The following SLC8A2 variants were observed in gnomAD, a reference collection of about 807,000 sequenced individuals.
SLC8A2 encodes sodium/calcium exchanger 2.
A neutral mutation model predicts 70.2 loss-of-function variants in SLC8A2; 14 were observed. The ratio of observed to expected loss-of-function variants is 0.20; its 90% confidence interval spans 0.13 to 0.31. The LOEUF is 0.31. Among genes scored for constraint, SLC8A2 ranks in the 10% least tolerant of loss-of-function variants. The pLI is 1.00. For synonymous variants in SLC8A2, 575 were observed against 594.3 expected (o/e 0.97, Z 0.47); for missense variants, 779 against 1,320.1 (o/e 0.59, Z 6.35).
chr19:47,457,503 A>C lies in SLC8A2; in HGVS notation c.767T>G (p.Val256Gly), dbSNP rs762853467. 6.2e-7 allele frequency: 1 copy of C among 1,606,794 alleles called. No individual in the cohort carries two copies. Among genetic ancestry groups the C allele is most frequent in the Non-Finnish European group, 8.5e-7 (1 of 1,177,720 alleles). Residue 256 changes from valine (V) to glycine (G), a missense_variant, in exon 3 of 10, where the codon GTG (valine) becomes GGG (glycine). Val to Gly is a moderately radical substitution (Grantham distance 109). Transcript: ENST00000236877. ...ADKRLLFYKYVYKRYRTDPRS... is the reference protein window; with the variant it reads ...ADKRLLFYKYGYKRYRTDPRS... ...TGGGTCGGTGCGGTAGCGCTTGTAC[A>C]CGTACTTGTAGAAGAGCAGCCGCTT... is the stretch of plus-strand genomic sequence containing the variant.
At chr19:47,433,395 C>A (rs115193894) in intron 8 of SLC8A2, among the ~76,000 whole-genome samples, 283 of 152,036 alleles carry the variant, frequency 1.9e-3, no homozygotes, top group African/African-American at 6.5e-3. Flanking sequence ...ATATGGTATT[C>A]ACTTTCCCAG....
At chr19:47,452,786 A>G (rs1967260406) in intron 3 of SLC8A2, among the ~76,000 whole-genome samples, 1 of 152,154 alleles carries the variant, frequency 6.6e-6, no homozygotes, top group Admixed American at 6.6e-5. Flanking sequence ...TAATCCCGGC[A>G]CTTTGGGAGG....
chr19:47,447,678 C>T lies in SLC8A2; in HGVS notation c.1763+131G>A. ...TGCGGGCACGGCCACGCAGGCCCCT[C>T]CCCTCCCGAGGCCCAACCAAGACCC... is the stretch of plus-strand genomic sequence containing the variant. On this transcript the variant is annotated intron_variant, in intron 4 of 9. Coordinates refer to ENST00000236877, the MANE Select transcript of SLC8A2 (RefSeq NM_015063.3). The surrounding 1 kb of genome is among the most constrained non-coding windows in gnomAD (Gnocchi z 5.1). The T allele has an allele frequency of 1.0e-6, 1 of 976,788 alleles. No homozygotes were observed. The highest frequency in any genetic ancestry group is 1.4e-6 in the Non-Finnish European group (1 of 698,846). The allele number at this position is 976,788 out of a possible 1,614,324, so 60.5% of individuals were successfully genotyped here.
At chr19:47,462,660 T>A (rs1349672050) in intron 2 of SLC8A2, among the ~76,000 whole-genome samples, 1 of 149,822 alleles carries the variant, frequency 6.7e-6, no homozygotes, top group Non-Finnish European at 1.5e-5. Context: ...CAATCTCAGC[T>A]CACTGCAAAC....
In SLC8A2 at chr19:47,447,904, G is replaced by A; in HGVS notation, c.1668C>T (p.Arg556=). Residue 556 remains arginine, a synonymous_variant, in exon 4 of 10, where the codon CGC becomes CGT. Coordinates refer to ENST00000236877, the MANE Select transcript of SLC8A2 (RefSeq NM_015063.3). This position sits in a 1 kb window ranked among gnomAD's most constrained non-coding sequence, Gnocchi z 5.1. ...VRSSGARGTV[R]LPYRTVDGTA... is the part of the protein sequence containing the mutation. ...TGCCGTCCACCGTGCGGTAGGGAAG[G>A]CGCACGGTGCCGCGCGCGCCCGAGC... The A allele has an allele frequency of 6.3e-7, 1 of 1,580,676 alleles. No homozygotes were observed. Among genetic ancestry groups the A allele is most frequent in the Non-Finnish European group, 8.6e-7 (1 of 1,165,300 alleles).
At chr19:47,454,418 T>C (rs1264283327) in intron 3 of SLC8A2, among the ~76,000 whole-genome samples, 1 of 152,192 alleles carries the variant, frequency 6.6e-6, no homozygotes, top group African/African-American at 2.4e-5. Context: ...AGGGATCCCA[T>C]GCTGCAGGGT....
At chr19:47,433,601 G>C (rs1291089115) in intron 8 of SLC8A2, among the ~76,000 whole-genome samples, 2 of 152,088 alleles carry the variant, frequency 1.3e-5, no homozygotes, top group Non-Finnish European at 1.5e-5. Context: ...CTCATGCTTA[G>C]AGCTGTATCA....
At position 47,465,270 on chromosome 19, in the gene SLC8A2, G is replaced by A. The variant is rs185776756; in HGVS notation, c.675+459C>T. On this transcript the variant is annotated intron_variant, in intron 2 of 9. Coordinates refer to ENST00000236877, the MANE Select transcript of SLC8A2 (RefSeq NM_015063.3). This position sits in a 1 kb window ranked among gnomAD's most constrained non-coding sequence, Gnocchi z 5.5. ...TATGCAAGGGTAGTATGAATTATGC[G>A]AATGGAGGATGTCTTATTGCAAAAG... Among the ~76,000 whole-genome samples, 7 of 152,312 alleles carry A rather than the reference G, an allele frequency of 4.6e-5. No individual in the cohort carries two copies. The highest frequency in any genetic ancestry group is 2.6e-4 in the Admixed American group (4 of 15,292).
At chr19:47,445,408 C>T (rs565407797) in intron 4 of SLC8A2, among the ~76,000 whole-genome samples, 1 of 152,290 alleles carries the variant, frequency 6.6e-6, no homozygotes, top group African/African-American at 2.4e-5. Context: ...CGTGCCCGAC[C>T]TCTAAGTTCC....
intron 8 of SLC8A2, among the ~76,000 whole-genome samples, chr19:47,435,513 C>T (rs1967016350): frequency 6.6e-6 from 1 of 151,154 alleles, no homozygotes; most frequent in Non-Finnish European, 1.5e-5. Context: ...TCAAAGGAGC[C>T]TCTGCAGGGC....
At chr19:47,462,434 T>C (rs1967407049) in intron 2 of SLC8A2, among the ~76,000 whole-genome samples, 2 of 151,728 alleles carry the variant, frequency 1.3e-5, no homozygotes, top group Admixed American at 6.6e-5. Context: ...CCGGCTAATT[T>C]TGTATTTTTA....
intron 3 of SLC8A2, among the ~76,000 whole-genome samples, chr19:47,451,740 G>C (rs1295882542): frequency 6.6e-6 from 1 of 152,226 alleles, no homozygotes; most frequent in African/African-American, 2.4e-5. Context: ...CAGGGGGATA[G>C]AGCATCGCTT....
Position 47,450,879 on chromosome 19 carries a change from G to A in SLC8A2, c.1341-2648C>T, listed in dbSNP as rs1266008241. 2.6e-5 allele frequency among the ~76,000 whole-genome samples: 4 copies of A among 152,100 alleles called. No individual in the cohort carries two copies. In the East Asian group the frequency reaches 7.7e-4, roughly 29 times the overall value. On this transcript the variant is annotated intron_variant, in intron 3 of 9. Transcript: ENST00000236877. ...AATTGATACAGGGGAAGCACCCAGAGGCACAGTTAGCTAGTGATATCCACA... is the reference window on the plus strand; with the variant it reads ...AATTGATACAGGGGAAGCACCCAGAAGCACAGTTAGCTAGTGATATCCACA...
chr19:47,450,081 T>A (rs897075420), intron 3 of SLC8A2, among the ~76,000 whole-genome samples: 1 of 152,144 alleles, frequency 6.6e-6, no homozygotes, highest in Non-Finnish European at 1.5e-5. Context: ...CTGGCAGGGC[T>A]GCAGACATCA....
chr19:47,457,054 G>A lies in SLC8A2; in HGVS notation c.1216C>T (p.Leu406=), dbSNP rs773704799. 1.9e-6 allele frequency: 3 copies of A among 1,604,326 alleles called. No homozygotes were observed. The highest frequency in any genetic ancestry group is 2.6e-6 in the Non-Finnish European group (3 of 1,175,690). The part of the protein sequence containing the change: ...IFFEPSLYHC[L]ENCGSVLLSV... ...AGCAGCACGGAGCCGCAGTTCTCCA[G>A]GCAGTGGTAGAGGCTAGGCTCGAAG... Residue 406 remains leucine, a synonymous_variant, in exon 3 of 10, where the codon CTG becomes TTG. Transcript: ENST00000236877.
rs1443911429 is a variant in SLC8A2, at chr19:47,459,540, G to A, written c.676-1946C>T. Reference sequence around the variant, plus strand: ...TGTGCACGTGCGTGCGCGTGTGTGCGCATGTGTGAGCGTATGTGCATGTGT... The same window carrying A: ...TGTGCACGTGCGTGCGCGTGTGTGCACATGTGTGAGCGTATGTGCATGTGT... On this transcript the variant is annotated intron_variant, in intron 2 of 9. Coordinates refer to ENST00000236877, the MANE Select transcript of SLC8A2 (RefSeq NM_015063.3). Among the ~76,000 whole-genome samples the A allele has an allele frequency of 4.0e-5, 6 of 151,814 alleles. 1 individual carries two copies. Among genetic ancestry groups the A allele is most frequent in the Admixed American group, 1.3e-4 (2 of 15,186 alleles).
intron 2 of SLC8A2, among the ~76,000 whole-genome samples, chr19:47,457,942 C>G (rs1292366908): frequency 1.3e-5 from 2 of 151,864 alleles, no homozygotes; most frequent in African/African-American, 4.8e-5. Flanking sequence ...CCTCCCGGGT[C>G]CCGGTTCAAG....
At chr19:47,463,277 C>T (rs955028182) in intron 2 of SLC8A2, among the ~76,000 whole-genome samples, 1 of 146,348 alleles carries the variant, frequency 6.8e-6, no homozygotes, top group African/African-American at 2.5e-5. Context: ...GGACTACAGG[C>T]GCCCGCCACC....
chr19:47,466,158 C>T lies in SLC8A2; in HGVS notation c.246G>A (p.Met82Ile), dbSNP rs1967455806. The T allele has an allele frequency of 6.2e-7, 1 of 1,614,140 alleles. No individual in the cohort carries two copies. The part of the protein sequence containing the change: ...AVVYFVAMVY[M>I]FLGVSIIADR... ...CGGCGATGATGGACACTCCCAGAAA[C>T]ATGTAGACCATGGCCACAAAGTACA... The change falls in exon 2 of 10, where the codon ATG becomes ATA. Residue 82 changes from methionine (M) to isoleucine (I), a missense_variant. Physicochemically the swap from Met to Ile is conservative, Grantham distance 10. Around this residue, in one of 6 missense-constraint regions of SLC8A2, gnomAD observed 155 missense variants for 318.6 expected, o/e 0.49. Transcript: ENST00000236877. The surrounding 1 kb of genome is among the most constrained non-coding windows in gnomAD (Gnocchi z 6.9).
Sources: allele counts gnomAD v4.1 joint callset (sites outside exome capture counted in the v4.1 genomes callset), GRCh38; gene constraint gnomAD v4.1.1; regional missense constraint gnomAD v4.1.1; non-coding constraint Gnocchi (gnomAD v3.1); transcripts MANE v1.5; gene names NCBI Gene and HGNC (gene_info 2026-07-23, HGNC 2026-07-21).